GPC6: variants seen among roughly 807,000 people sequenced by gnomAD.
GPC6 encodes glypican 6.
Under a neutral mutation model 55.2 loss-of-function variants are expected in GPC6, and 14 were observed. That is an observed-to-expected ratio of 0.25 (90% confidence interval 0.17 to 0.40). The LOEUF (loss-of-function observed/expected upper bound fraction) is 0.40, where lower values mean the gene tolerates loss of function less well. Among genes scored for constraint, GPC6 ranks in the 10% least tolerant of loss-of-function variants. GPC6 has a pLI of 1.00. For missense variants in GPC6, 641 were observed against 708.5 expected (o/e 0.90, Z 1.08); for synonymous variants, 278 against 259.6 (o/e 1.07, Z -0.68).
intron 2 of GPC6, among the ~76,000 whole-genome samples, chr13:93,556,264 A>G (rs1253467730): frequency 1.3e-5 from 2 of 151,840 alleles, no homozygotes; most frequent in African/African-American, 4.8e-5. Context: ...ATTTTTCACA[A>G]TTGGTAAAAT....
intron 2 of GPC6, among the ~76,000 whole-genome samples, chr13:93,672,455 G>A (rs7335457): frequency 0.8 from 122,037 of 151,658 alleles, 50,659 homozygotes; most frequent in Non-Finnish European, 0.92. Flanking sequence ...TGAGAGCCAA[G>A]TTAAAGTATG....
Position 93,830,494 on chromosome 13 carries a change from C to T in GPC6, c.660C>T (p.Thr220=). ...CCCGCGCCTTCATTGCTGCCAGGAC[C>T]TTTGTCCAGGGGCTGACTGTGGGCA... ...QVTRAFIAAR[T]FVQGLTVGRE... The change falls in exon 3 of 9, where the codon ACC becomes ACT. Residue 220 remains threonine (T), a synonymous_variant. Coordinates refer to ENST00000377047, the MANE Select transcript of GPC6 (RefSeq NM_005708.5). 6.2e-7 allele frequency: 1 copy of T among 1,613,620 alleles called. No homozygotes were observed. Among genetic ancestry groups the T allele is most frequent in the Non-Finnish European group, 8.5e-7 (1 of 1,179,860 alleles).
At chr13:93,732,342 C>T (rs1021718070) in intron 2 of GPC6, among the ~76,000 whole-genome samples, 3 of 152,098 alleles carry the variant, frequency 2.0e-5, no homozygotes, top group African/African-American at 7.2e-5. Context: ...AAGATCACCA[C>T]CACCACAACA....
chr13:93,875,074 A>G (rs183252173), intron 3 of GPC6, among the ~76,000 whole-genome samples: 8 of 152,092 alleles, frequency 5.3e-5, no homozygotes, highest in African/African-American at 1.7e-4. Flanking sequence ...AATTGATTCA[A>G]TTAATAGTGT....
intron 4 of GPC6, among the ~76,000 whole-genome samples, chr13:94,279,346 T>A (rs1892304372): frequency 6.7e-6 from 1 of 150,164 alleles, no homozygotes; most frequent in Non-Finnish European, 1.5e-5. Flanking sequence ...TTAGCCTAGC[T>A]AGCAGTCTAT....
intron 2 of GPC6, among the ~76,000 whole-genome samples, chr13:93,823,365 A>G (rs372264510): frequency 1.3e-5 from 2 of 151,916 alleles, no homozygotes; most frequent in Non-Finnish European, 2.9e-5. Context: ...TTTCTTGTCT[A>G]TCATCGTTTT....
At position 94,286,654 on chromosome 13, in the gene GPC6, A is replaced by G. The variant is rs534122523; in HGVS notation, c.1008+175A>G. ...CATTAAAAATGTCTAACAAAATGGC[A>G]TTGAGAAGGAAAGCAATTTTTTAGC... On this transcript the variant is annotated intron_variant, in intron 5 of 8. Coordinates refer to ENST00000377047, the MANE Select transcript of GPC6 (RefSeq NM_005708.5). Among the ~76,000 whole-genome samples, 10 of 152,348 alleles carry G rather than the reference A, an allele frequency of 6.6e-5. No individual in the cohort carries two copies. The South Asian group carries it at 1.5e-3, about 22-fold the overall frequency.
chr13:94,013,129 G>A (rs916526623), intron 3 of GPC6, among the ~76,000 whole-genome samples: 2 of 151,988 alleles, frequency 1.3e-5, no homozygotes, highest in African/African-American at 2.4e-5. Context: ...ATATTAGAAA[G>A]CTGTCTGAAA....
chr13:93,504,223 CAG>C (rs1246840180), intron 1 of GPC6, among the ~76,000 whole-genome samples: 2 of 152,004 alleles, frequency 1.3e-5, no homozygotes, highest in East Asian at 1.9e-4. Flanking sequence ...AAAACAAAGA[CAG>C]ATGTTATTTT....
intron 2 of GPC6, among the ~76,000 whole-genome samples, chr13:93,566,197 C>G (rs1231996239): frequency 6.6e-6 from 1 of 152,140 alleles, no homozygotes; most frequent in Non-Finnish European, 1.5e-5. Flanking sequence ...AATCATGCTG[C>G]AAGCCACTGA....
chr13:93,877,141 G>A lies in GPC6; in HGVS notation c.711+46596G>A, dbSNP rs567453222. ...TATATCAGCTAAGTAAAATGGCTAT[G>A]GATCGAATATGTTATTAGCACTAAA... On this transcript the variant is annotated intron_variant, in intron 3 of 8. Transcript: ENST00000377047. Among the ~76,000 whole-genome samples the A allele has an allele frequency of 3.3e-5, 5 of 152,134 alleles. No individual in the cohort carries two copies. In the South Asian group the frequency reaches 1.0e-3, roughly 32 times the overall value.
chr13:94,328,146 A>T (rs1181730161), intron 6 of GPC6, among the ~76,000 whole-genome samples: 1 of 152,166 alleles, frequency 6.6e-6, no homozygotes, highest in Non-Finnish European at 1.5e-5. Flanking sequence ...TGAGAAACTT[A>T]TTAAAATACT....
At chr13:93,396,824 G>A (rs1004709926) in intron 1 of GPC6, among the ~76,000 whole-genome samples, 1 of 151,962 alleles carries the variant, frequency 6.6e-6, no homozygotes, top group African/African-American at 2.4e-5. Context: ...CACATCATAT[G>A]TACTCCCTTA....
chr13:93,535,454 T>C (rs1051773960), intron 1 of GPC6, among the ~76,000 whole-genome samples: 2 of 152,118 alleles, frequency 1.3e-5, no homozygotes, highest in Admixed American at 6.6e-5. Flanking sequence ...GGTCACATGG[T>C]CTCTGCCATA....
At chr13:94,319,580 A>G (rs745596793) in intron 6 of GPC6, among the ~76,000 whole-genome samples, 15 of 152,196 alleles carry the variant, frequency 9.9e-5, no homozygotes, top group African/African-American at 9.6e-5. Context: ...TGGAATACAC[A>G]TTATAAGTTT....
At chr13:93,311,189 C>T (rs1303650692) in intron 1 of GPC6, among the ~76,000 whole-genome samples, 1 of 152,174 alleles carries the variant, frequency 6.6e-6, no homozygotes, top group Non-Finnish European at 1.5e-5. Flanking sequence ...GAAATTTTGA[C>T]ACCTTTTCTA....
At chr13:93,749,773 T>C (rs1003993215) in intron 2 of GPC6, among the ~76,000 whole-genome samples, 1 of 152,092 alleles carries the variant, frequency 6.6e-6, no homozygotes. Flanking sequence ...AATAGCAACC[T>C]ATAAATTTTT....
intron 3 of GPC6, among the ~76,000 whole-genome samples, chr13:93,916,881 G>A (rs969115199): frequency 4.6e-5 from 7 of 152,110 alleles, no homozygotes; most frequent in Non-Finnish European, 1.0e-4. Context: ...TGTGACCTCA[G>A]TGAGAAATAA....
chr13:93,729,520 A>G (rs1446073791), intron 2 of GPC6, among the ~76,000 whole-genome samples: 1 of 152,194 alleles, frequency 6.6e-6, no homozygotes, highest in African/African-American at 2.4e-5. Flanking sequence ...CCAAATGCCT[A>G]AAAGAAAAAT....
Sources: allele counts gnomAD v4.1 joint callset (sites outside exome capture counted in the v4.1 genomes callset), GRCh38; gene constraint gnomAD v4.1.1; transcripts MANE v1.5; gene names NCBI Gene and HGNC (gene_info 2026-07-23, HGNC 2026-07-21).